Variants in FARP2 observed in about 807,000 individuals in gnomAD.
FARP2 encodes FERM, ARH/RhoGEF and pleckstrin domain protein 2.
Under a neutral mutation model 130.5 loss-of-function variants are expected in FARP2, and 111 were observed. The ratio of observed to expected loss-of-function variants is 0.85; its 90% CI spans 0.73 to 1.00. The LOEUF (loss-of-function observed/expected upper bound fraction) is 1.00. FARP2 is among the 50% of genes least tolerant of loss of function. The pLI, the probability that FARP2 is intolerant of heterozygous loss-of-function variation, is 0.00. For missense variants in FARP2, 1,385 were observed against 1,346.3 expected (o/e 1.03, Z -0.45); for synonymous variants, 504 against 516.9 (o/e 0.98, Z 0.34).
At chr2:241,492,716 A>C (rs777118054) in intron 24 of FARP2, 20 of 535,030 alleles carry the variant, frequency 3.7e-5, no homozygotes, top group Non-Finnish European at 6.7e-5. Context: ...AAGGGAACTC[A>C]CTTTACTTGG....
At chr2:241,428,655 G>A (rs10171440) in intron 8 of FARP2, among the ~76,000 whole-genome samples, 115,318 of 151,500 alleles carry the variant, frequency 0.76, 44,126 homozygotes, top group Middle Eastern at 0.85. Flanking sequence ...GATAAAATGT[G>A]TATGCCATAA....
At chr2:241,478,903 G>A in intron 19 of FARP2, 1 of 394,572 alleles carries the variant, frequency 2.5e-6, no homozygotes, top group Non-Finnish European at 4.9e-6. Context: ...TCTATGTGGT[G>A]TCCAAGAAAC....
At chr2:241,437,294 A>G (rs1459459193) in intron 12 of FARP2, among the ~76,000 whole-genome samples, 2 of 152,238 alleles carry the variant, frequency 1.3e-5, no homozygotes, top group African/African-American at 4.8e-5. Context: ...CACTTCATAC[A>G]AAAACATTTG....
intron 12 of FARP2, among the ~76,000 whole-genome samples, chr2:241,441,067 CAT>C (rs2063370236): frequency 6.6e-6 from 1 of 150,852 alleles, no homozygotes; most frequent in Admixed American, 6.9e-5. Flanking sequence ...TATTTCATGT[CAT>C]AAGAGAAAAA....
chr2:241,453,481 G>A (rs369497511), intron 13 of FARP2, among the ~76,000 whole-genome samples: 4 of 151,730 alleles, frequency 2.6e-5, no homozygotes, highest in Non-Finnish European at 4.4e-5. Flanking sequence ...AATTAGCCAG[G>A]CATGGTGGTG....
chr2:241,406,946 T>TA (rs1485828509), intron 4 of FARP2, among the ~76,000 whole-genome samples: 1 of 152,134 alleles, frequency 6.6e-6, no homozygotes, highest in East Asian at 1.9e-4. Flanking sequence ...TAGCTGGGAC[T>TA]ACAGTCACCC....
chr2:241,459,706 C>T lies in FARP2; in HGVS notation c.1587+2784C>T, dbSNP rs1478186618. Among the ~76,000 whole-genome samples, 1 of 152,180 alleles carries T rather than the reference C, an allele frequency of 6.6e-6. No individual in the cohort carries two copies. Among genetic ancestry groups the T allele is most frequent in the Non-Finnish European group, 1.5e-5 (1 of 68,040 alleles). On this transcript the variant is annotated intron_variant, in intron 14 of 26. Coordinates refer to ENST00000264042, the MANE Select transcript of FARP2 (RefSeq NM_014808.4). The surrounding 1 kb of genome is among the most constrained non-coding windows in gnomAD (Gnocchi z 5.3). Reference sequence around the variant, plus strand: ...CCGCCGTCTCATCCCTGGCCTGCAGCCCAGCTTGCTGGGGGTCAGGTTTGA... The same window carrying T: ...CCGCCGTCTCATCCCTGGCCTGCAGTCCAGCTTGCTGGGGGTCAGGTTTGA...
At chr2:241,444,437 G>A (rs976501638) in intron 13 of FARP2, 1 of 152,188 alleles carries the variant, frequency 6.6e-6, no homozygotes, top group East Asian at 1.9e-4. Context: ...GTTGCCTGAC[G>A]ACGGTCCTTG....
intron 8 of FARP2, among the ~76,000 whole-genome samples, chr2:241,426,583 G>C (rs2062945289): frequency 6.6e-6 from 1 of 152,192 alleles, no homozygotes; most frequent in Non-Finnish European, 1.5e-5. Context: ...GGATGCATGA[G>C]AGTAAATCCC....
intron 1 of FARP2, among the ~76,000 whole-genome samples, chr2:241,367,048 T>C (rs866411362): frequency 7.9e-5 from 12 of 152,154 alleles, no homozygotes; most frequent in African/African-American, 2.9e-4. Flanking sequence ...TCTTGAGTTG[T>C]TGACTGCCCT....
chr2:241,390,537 T>A (rs2061881865), intron 2 of FARP2, among the ~76,000 whole-genome samples: 1 of 152,218 alleles, frequency 6.6e-6, no homozygotes, highest in Admixed American at 6.5e-5. Flanking sequence ...TGTTTGGGCC[T>A]CCTGTTGAGG....
chr2:241,382,527 C>G (rs1031941490), intron 2 of FARP2, among the ~76,000 whole-genome samples: 10 of 152,262 alleles, frequency 6.6e-5, no homozygotes, highest in African/African-American at 2.4e-4. Context: ...AAGCCGTATA[C>G]CAGCCTTAGC....
chr2:241,373,166 C>T lies in FARP2; in HGVS notation c.59C>T (p.Ala20Val), dbSNP rs775245402. The T allele has an allele frequency of 5.1e-6, 8 of 1,562,580 alleles. No homozygotes were observed. The highest frequency in any genetic ancestry group is 3.6e-5 in the Admixed American group (2 of 56,154). The change falls in exon 2 of 27, where the codon GCC (alanine) becomes GTC (valine). Residue 20 changes from alanine to valine, a missense_variant. Ala to Val is a moderately conservative substitution (Grantham distance 64). Transcript: ENST00000264042. ...CAGACTGCAGGGATGCGCTTGGGTGCCCAGACCCCTGTGGGAGTTAGCACC... is the reference window on the plus strand; with the variant it reads ...CAGACTGCAGGGATGCGCTTGGGTGTCCAGACCCCTGTGGGAGTTAGCACC... ...VLQTAGMRLG[A>V]QTPVGVSTLE...
intron 8 of FARP2, among the ~76,000 whole-genome samples, chr2:241,428,401 ATTT>A (rs78380175): frequency 7.0e-6 from 1 of 142,420 alleles, no homozygotes; most frequent in Non-Finnish European, 1.5e-5. Context: ...TGTCCAGCTA[ATTT>A]TTTTTTTTTT....
chr2:241,371,944 A>G (rs139697922), intron 1 of FARP2, among the ~76,000 whole-genome samples: 1 of 152,264 alleles, frequency 6.6e-6, no homozygotes, highest in East Asian at 1.9e-4. Context: ...GTTAAAAACA[A>G]TGAAGACACA....
At chr2:241,374,014 CTT>C (rs779927100) in intron 2 of FARP2, among the ~76,000 whole-genome samples, 12 of 142,570 alleles carry the variant, frequency 8.4e-5, no homozygotes, top group Admixed American at 1.4e-4. Flanking sequence ...TCATCTTTTA[CTT>C]TTTTTTTTTT....
intron 1 of FARP2, among the ~76,000 whole-genome samples, chr2:241,365,957 A>C (rs1355462841): frequency 6.8e-6 from 1 of 147,812 alleles, no homozygotes; most frequent in Non-Finnish European, 1.5e-5. Flanking sequence ...CATTTTCATT[A>C]GTTTTTGGTT....
intron 9 of FARP2, 25 bp downstream of exon 9, chr2:241,431,799 TTTTTA>T (rs753984778): frequency 1.4e-4 from 128 of 901,438 alleles, no homozygotes; most frequent in Admixed American, 1.4e-4. Context: ...CAACTTTTTA[TTTTTA>T]TTTTATTTTA....
At chr2:241,451,554 T>A (rs527262499) in intron 13 of FARP2, among the ~76,000 whole-genome samples, 16 of 152,332 alleles carry the variant, frequency 1.1e-4, no homozygotes, top group African/African-American at 3.8e-4. Flanking sequence ...CTATGAGTTG[T>A]ATATGATACG....
Sources: allele counts gnomAD v4.1 joint callset (sites outside exome capture counted in the v4.1 genomes callset), GRCh38; gene constraint gnomAD v4.1.1; non-coding constraint Gnocchi (gnomAD v3.1); transcripts MANE v1.5; gene names NCBI Gene and HGNC (gene_info 2026-07-23, HGNC 2026-07-21).